PRAMEF11: variants seen among roughly 807,000 people sequenced by gnomAD.
PRAMEF11 encodes PRAME family member 11.
A neutral mutation model predicts 33.6 loss-of-function variants in PRAMEF11; 17 were observed. The observed-to-expected ratio is 0.51, with a 90% CI of 0.35 to 0.76. The LOEUF is 0.76. Among genes scored for constraint, PRAMEF11 ranks in the 30% least tolerant of loss-of-function variants. The pLI is 0.01. For missense variants in PRAMEF11, 568 were observed against 567.0 expected, an observed-to-expected ratio of 1.00 and a Z score of -0.02; for synonymous variants, 205 against 227.3, an observed-to-expected ratio of 0.90 and a Z score of 0.88.
At chr1:12,830,845 G>A (rs1832600) in intron 1 of PRAMEF11, among the ~76,000 whole-genome samples, 49 of 150,028 alleles carry the variant, frequency 3.3e-4, no homozygotes, top group African/African-American at 1.2e-3. Flanking sequence ...AAAAATTAGC[G>A]AGGCATGGTT....
In PRAMEF11 at chr1:12,825,238, C is replaced by G. The variant is rs1404073730; in HGVS notation, c.1141G>C (p.Glu381Gln). 6 of 1,606,764 alleles carry G rather than the reference C, an allele frequency of 3.7e-6. No individual in the cohort carries two copies. The highest frequency in any genetic ancestry group is 5.1e-6 in the Non-Finnish European group (6 of 1,177,386). Residue 381 changes from glutamate (E) to glutamine (Q), a missense_variant, in exon 4 of 4, where the codon GAG (glutamate) becomes CAG (glutamine). By Grantham distance (29) the Glu-to-Gln change is conservative. This residue lies in a region of PRAMEF11 where 174 missense variants were observed against 127.2 expected (regional missense o/e 1.37). Transcript: ENST00000619922. ...AILPALSRCF[E>Q]LNTFSFCGNP... ...CCACAGAAGCTGAAGGTGTTGAGCT[C>G]AAAGCAGCGGCTCAGGGCAGGCAGG...
Position 12,828,750 on chromosome 1 carries a change from G to A in PRAMEF11, c.40C>T (p.Leu14Phe), listed in dbSNP as rs1210565840. 6.2e-7 allele frequency: 1 copy of A among 1,609,964 alleles called. No homozygotes were observed. The highest frequency in any genetic ancestry group is 1.3e-5 in the African/African-American group (1 of 74,852). Reference protein sequence around the residue: ...SIRIPPRLLELAGRSLLRDQA... With the variant: ...SIRIPPRLLEFAGRSLLRDQA... ...TCCCTCAGCAGGCTCCGCCCCGCAA[G>A]CTCCAGGAGTCTGGGTGGAATCCGG... The change falls in exon 2 of 4, where the codon CTT becomes TTT. Residue 14 changes from leucine (L) to phenylalanine (F), a missense_variant. By Grantham distance (22) the Leu-to-Phe change is conservative (BLOSUM62 0). This residue lies in a region of PRAMEF11 where 342 missense variants were observed against 312.0 expected (regional missense o/e 1.10). Coordinates refer to ENST00000619922, the MANE Select transcript of PRAMEF11 (RefSeq NM_001146344.3).
intron 3 of PRAMEF11, among the ~76,000 whole-genome samples, chr1:12,825,888 C>T (rs1219127147): frequency 6.7e-6 from 1 of 150,166 alleles, no homozygotes; most frequent in African/African-American, 2.4e-5. Flanking sequence ...GCAGAAGAAT[C>T]GCTTGAACCC....
Position 12,824,807 on chromosome 1 carries a change from T to A in PRAMEF11, c.*135A>T. The A allele has an allele frequency of 3.6e-6, 5 of 1,392,852 alleles. 1 individual carries two copies. The highest frequency in any genetic ancestry group is 4.9e-6 in the Non-Finnish European group (5 of 1,017,762). 86.3% of individuals were successfully genotyped at this position (1,392,852 alleles called of 1,614,324 possible). A position where few individuals can be genotyped will look rare whatever the true frequency, so the allele number is the denominator to read the frequency against. On this transcript the variant is annotated 3_prime_UTR_variant, in exon 4 of 4. Coordinates refer to ENST00000619922, the MANE Select transcript of PRAMEF11 (RefSeq NM_001146344.3). The stretch of plus-strand genomic sequence containing the variant: ...AGTCCTGCCCCTGCTTGATCAGCTT[T>A]CCTTTCCCACTTTCAGAGCCCATGT...
chr1:12,824,970 T>C lies in PRAMEF11; in HGVS notation c.1409A>G (p.Asp470Gly). The C allele has an allele frequency of 1.2e-6, 2 of 1,609,386 alleles. No individual in the cohort carries two copies. Among genetic ancestry groups the C allele is most frequent in the Non-Finnish European group, 1.7e-6 (2 of 1,177,686 alleles). ...ACAGCAGTATTGATCTGCCTCCAGGTCATAAAATGACCTGTCGCCATGGTC... is the reference window on the plus strand; with the variant it reads ...ACAGCAGTATTGATCTGCCTCCAGGCCATAAAATGACCTGTCGCCATGGTC... ...CPDHGDRSFYDLEADQYCC is the reference protein window; with the variant it reads ...CPDHGDRSFYGLEADQYCC The change falls in exon 4 of 4, where the codon GAC becomes GGC. Residue 470 changes from aspartate (D) to glycine (G), a missense_variant. Asp to Gly is a moderately conservative substitution (Grantham distance 94, BLOSUM62 -1). Transcript: ENST00000619922.
Position 12,824,890 on chromosome 1 carries a change from T to C in PRAMEF11, c.*52A>G. The C allele has an allele frequency of 6.2e-7, 1 of 1,600,498 alleles. No individual in the cohort carries two copies. Among genetic ancestry groups the C allele is most frequent in the Non-Finnish European group, 8.5e-7 (1 of 1,172,278 alleles). ...TGTACCTAAGACCTAGGTTTTAGTT[T>C]CCAAGTGTCCAGAAGAAAGCGTTTG... is the stretch of plus-strand genomic sequence containing the variant. On this transcript the variant is annotated 3_prime_UTR_variant, in exon 4 of 4. Coordinates refer to ENST00000619922, the MANE Select transcript of PRAMEF11 (RefSeq NM_001146344.3).
At chr1:12,825,629 G>A (rs1473596826) in intron 3 of PRAMEF11, 126 bp from the exon 4 acceptor site, 1 of 582,262 alleles carries the variant, frequency 1.7e-6, no homozygotes, top group Admixed American at 3.2e-5. Context: ...CTCATGGCCG[G>A]ATGGTCAACA....
At chr1:12,829,868 CAG>C (rs1404780760) in intron 1 of PRAMEF11, among the ~76,000 whole-genome samples, 2 of 151,198 alleles carry the variant, frequency 1.3e-5, no homozygotes, top group Non-Finnish European at 3.0e-5. Context: ...CTAGATTGAA[CAG>C]AGAGACAGAG....
chr1:12,824,916 A>T lies in PRAMEF11; in HGVS notation c.*26T>A. 4 of 1,607,542 alleles carry T rather than the reference A, an allele frequency of 2.5e-6. No individual in the cohort carries two copies. Among genetic ancestry groups the T allele is most frequent in the Non-Finnish European group, 3.4e-6 (4 of 1,176,782 alleles). ...CCAAGTGTCCAGAAGAAAGCGTTTG[A>T]CATACCCATCCAAATAGGCAGGCAT... On this transcript the variant is annotated 3_prime_UTR_variant, in exon 4 of 4. Coordinates refer to ENST00000619922, the MANE Select transcript of PRAMEF11 (RefSeq NM_001146344.3).
intron 1 of PRAMEF11, 113 bp from the exon 2 acceptor site, chr1:12,828,918 T>G: frequency 1.4e-6 from 2 of 1,454,714 alleles, no homozygotes; most frequent in Non-Finnish European, 1.9e-6. Flanking sequence ...CAGCCCTCAG[T>G]TTACTCCAAT....
At chr1:12,828,841 C>T in intron 1 of PRAMEF11, 36 bp from the exon 2 acceptor site, 1 of 1,606,014 alleles carries the variant, frequency 6.2e-7, no homozygotes, top group Non-Finnish European at 8.5e-7. Context: ...AGGCATCACT[C>T]TCAGGCCAAG....
In PRAMEF11 at chr1:12,828,173, T is replaced by C. The variant is rs1024915110; in HGVS notation, c.293+324A>G. On this transcript the variant is annotated intron_variant, in intron 2 of 3. Coordinates refer to ENST00000619922, the MANE Select transcript of PRAMEF11 (RefSeq NM_001146344.3). ...GCTAATTTTAGTATTTTTAGTAGAG[T>C]TGGGGTTTACCATGTTGGACAGGCT... Among the ~76,000 whole-genome samples, 22 of 146,676 alleles carry C rather than the reference T, an allele frequency of 1.5e-4. 1 individual carries two copies. The highest frequency in any genetic ancestry group is 1.4e-3 in the Admixed American group (20 of 14,512).
At chr1:12,826,030 T>A (rs1170127318) in intron 3 of PRAMEF11, among the ~76,000 whole-genome samples, 1 of 149,720 alleles carries the variant, frequency 6.7e-6, no homozygotes, top group African/African-American at 2.4e-5. Flanking sequence ...TCACCATCAT[T>A]TATAGGAATG....
Position 12,826,892 on chromosome 1 carries a change from C to A in PRAMEF11, c.875+357G>T, listed in dbSNP as rs574919824. On this transcript the variant is annotated intron_variant, in intron 3 of 3. Coordinates refer to ENST00000619922, the MANE Select transcript of PRAMEF11 (RefSeq NM_001146344.3). ...CCTCTTGCCTCAGACTCCCAAACTGCTAGGATTACAGGCATGAGCCAACGC... is the reference window on the plus strand; with the variant it reads ...CCTCTTGCCTCAGACTCCCAAACTGATAGGATTACAGGCATGAGCCAACGC... Among the ~76,000 whole-genome samples, 73 of 151,438 alleles carry A rather than the reference C, an allele frequency of 4.8e-4. 2 individuals carry two copies. The highest frequency in any genetic ancestry group is 1.7e-3 in the African/African-American group (69 of 41,386).
chr1:12,828,658 C>T lies in PRAMEF11; in HGVS notation c.132G>A (p.Glu44=), dbSNP rs1252437620. Residue 44 remains glutamate, a synonymous_variant, in exon 2 of 4, where the codon GAG becomes GAA. Transcript: ENST00000619922. ...PTELFPPLFM[E]AFSRRRCEAL... is the part of the protein sequence containing the mutation. Reference sequence around the variant, plus strand: ...CCTCACAGCGTCTCCTGCTGAAGGCCTCCATGAACAGTGGGGGGAAAAGTT... The same window carrying T: ...CCTCACAGCGTCTCCTGCTGAAGGCTTCCATGAACAGTGGGGGGAAAAGTT... 6.2e-7 allele frequency: 1 copy of T among 1,610,570 alleles called. No individual in the cohort carries two copies. The highest frequency in any genetic ancestry group is 1.7e-5 in the Admixed American group (1 of 59,764).
rs1450879274 is a variant in PRAMEF11 at position 12,828,656 on chromosome 1, G to A, written c.134C>T (p.Ala45Val). ...TELFPPLFME[A>V]FSRRRCEALK... ...GGCCTCACAGCGTCTCCTGCTGAAGGCCTCCATGAACAGTGGGGGGAAAAG... is the reference window on the plus strand; with the variant it reads ...GGCCTCACAGCGTCTCCTGCTGAAGACCTCCATGAACAGTGGGGGGAAAAG... The change falls in exon 2 of 4, where the codon GCC (alanine) becomes GTC (valine). Residue 45 changes from alanine (A) to valine (V), a missense_variant. Physicochemically the swap from Ala to Val is moderately conservative, Grantham distance 64. This residue lies in a region of PRAMEF11 where 342 missense variants were observed against 312.0 expected (regional missense o/e 1.10). Coordinates refer to ENST00000619922, the MANE Select transcript of PRAMEF11 (RefSeq NM_001146344.3). The A allele has an allele frequency of 6.2e-7, 1 of 1,609,946 alleles. No individual in the cohort carries two copies. Among genetic ancestry groups the A allele is most frequent in the Admixed American group, 1.7e-5 (1 of 59,676 alleles).
rs1557608356 is a variant in PRAMEF11 at position 12,825,001 on chromosome 1, A to T, written c.1378T>A (p.Cys460Ser). 1 of 1,609,878 alleles carries T rather than the reference A, an allele frequency of 6.2e-7. No homozygotes were observed. The highest frequency in any genetic ancestry group is 8.5e-7 in the Non-Finnish European group (1 of 1,177,784). ...AATGACCTGTCGCCATGGTCAGGGCAGTTGTCAGTACAGAACAAGATCCTC... is the reference window on the plus strand; with the variant it reads ...AATGACCTGTCGCCATGGTCAGGGCTGTTGTCAGTACAGAACAAGATCCTC... ...PKRILFCTDNCPDHGDRSFYD... is the reference protein window; with the variant it reads ...PKRILFCTDNSPDHGDRSFYD... The change falls in exon 4 of 4, where the codon TGC (cysteine) becomes AGC (serine). Residue 460 changes from cysteine (C) to serine (S), a missense_variant. This residue lies in a region of PRAMEF11 where 174 missense variants were observed against 127.2 expected (regional missense o/e 1.37). Coordinates refer to ENST00000619922, the MANE Select transcript of PRAMEF11 (RefSeq NM_001146344.3).
intron 1 of PRAMEF11, among the ~76,000 whole-genome samples, chr1:12,829,287 T>C (rs1639955583): frequency 6.8e-6 from 1 of 146,756 alleles, no homozygotes; most frequent in African/African-American, 2.5e-5. Context: ...TCTTTCTTTT[T>C]TCCTTCTTTC....
At chr1:12,830,361 C>G (rs1407441894) in intron 1 of PRAMEF11, among the ~76,000 whole-genome samples, 1 of 151,180 alleles carries the variant, frequency 6.6e-6, no homozygotes, top group African/African-American at 2.4e-5. Context: ...CATATCGGCT[C>G]ACTGTTACCT....
Sources: allele counts gnomAD v4.1 joint callset (sites outside exome capture counted in the v4.1 genomes callset), GRCh38; gene constraint gnomAD v4.1.1; regional missense constraint gnomAD v4.1.1; transcripts MANE v1.5; gene names NCBI Gene and HGNC (gene_info 2026-07-23, HGNC 2026-07-21).